The following HERC1 variants were observed in gnomAD, a reference collection of about 807,000 sequenced individuals.
HERC1 encodes HECT and RLD domain containing E3 ubiquitin protein ligase family member 1.
A neutral mutation model predicts 554.3 loss-of-function variants in HERC1; 160 were observed. That is an observed-to-expected ratio of 0.29 (90% CI 0.25 to 0.33). The LOEUF (loss-of-function observed/expected upper bound fraction) is 0.33. HERC1 is among the 10% of genes least tolerant of loss of function. The pLI, the probability that HERC1 is intolerant of heterozygous loss-of-function variation, is 1.00. For missense variants in HERC1, 4,919 were observed against 5,918.5 expected (o/e 0.83, Z 5.54); for synonymous variants, 2,175 against 2,131.7 (o/e 1.02, Z -0.56).
intron 21 of HERC1, among the ~76,000 whole-genome samples, chr15:63,716,961 T>C (rs17187281): frequency 0.25 from 37,739 of 152,112 alleles, 5,501 homozygotes; most frequent in Middle Eastern, 0.36. Flanking sequence ...AACCAAAAAT[T>C]AGAAATCTGC....
At chr15:63,617,899 A>T (rs1181409557) in intron 74 of HERC1, among the ~76,000 whole-genome samples, 2 of 151,940 alleles carry the variant, frequency 1.3e-5, no homozygotes, top group Non-Finnish European at 2.9e-5. Flanking sequence ...TAGATTCTGG[A>T]TATTAGCCCT....
At position 63,616,530 on chromosome 15, in the gene HERC1, G is replaced by A. The variant is rs767173104; in HGVS notation, c.13841C>T (p.Thr4614Ile). ...VWKQLCCVPL[T>I]LEDLEEVDLL... is the part of the protein sequence containing the mutation. ...ATCCACCTCCTCCAGGTCCTCTAGG[G>A]TGAGTGGGACACAGCACAGCTGCTT... The change falls in exon 75 of 78, where the codon ACC (threonine) becomes ATC (isoleucine). Residue 4614 changes from threonine to isoleucine, a missense_variant. Physicochemically the swap from Thr to Ile is moderately conservative, Grantham distance 89. This residue lies in a region of HERC1 where 284 missense variants were observed against 294.1 expected (regional missense o/e 0.97). Transcript: ENST00000443617. 1.9e-6 allele frequency: 3 copies of A among 1,614,008 alleles called. No homozygotes were observed. The highest frequency in any genetic ancestry group is 2.5e-6 in the Non-Finnish European group (3 of 1,179,896).
At chr15:63,695,225 C>G (rs2072334562) in intron 27 of HERC1, among the ~76,000 whole-genome samples, 2 of 137,838 alleles carry the variant, frequency 1.5e-5, no homozygotes, top group African/African-American at 5.6e-5. Flanking sequence ...TCTGTAGAGA[C>G]AGGGTTTCGC....
chr15:63,785,791 A>AAAGGGG (rs1169179320), intron 1 of HERC1, among the ~76,000 whole-genome samples: 1 of 151,568 alleles, frequency 6.6e-6, no homozygotes, highest in East Asian at 1.9e-4. Context: ...GAAGGAAGGA[A>AAAGGGG]AAGGGGAAGG....
chr15:63,789,627 A>G (rs1356682384), intron 1 of HERC1, among the ~76,000 whole-genome samples: 2 of 151,340 alleles, frequency 1.3e-5, no homozygotes, highest in East Asian at 4.0e-4. Context: ...GTGAAACCCC[A>G]TCTCGACTAA....
chr15:63,832,194 CTA>C (rs1280133440), intron 1 of HERC1, among the ~76,000 whole-genome samples: 4 of 152,134 alleles, frequency 2.6e-5, no homozygotes, highest in Non-Finnish European at 5.9e-5. Flanking sequence ...CTTCCTAATG[CTA>C]TCTTTTCTCA....
rs2072570829 is a variant in HERC1 at position 63,698,880 on chromosome 15, A to G, written c.4753T>C (p.Ser1585Pro). The G allele has an allele frequency of 6.2e-7, 1 of 1,613,990 alleles. No individual in the cohort carries two copies. The highest frequency in any genetic ancestry group is 8.5e-7 in the Non-Finnish European group (1 of 1,179,882). Residue 1585 changes from serine (S) to proline (P), a missense_variant, in exon 26 of 78, where the codon TCT becomes CCT. By Grantham distance (74) the Ser-to-Pro change is moderately conservative. Transcript: ENST00000443617. ...TCAATCAAAGTGTGAACTCCCAAAGACTTGGTAAGATCAAAATCTGACTCA... is the reference window on the plus strand; with the variant it reads ...TCAATCAAAGTGTGAACTCCCAAAGGCTTGGTAAGATCAAAATCTGACTCA... ...SFESDFDLTK[S>P]LGVHTLIENV...
In HERC1 at chr15:63,749,291, T is replaced by G. The variant is rs917901021; in HGVS notation, c.2219+76A>C. On this transcript the variant is annotated intron_variant, in intron 10 of 77. Coordinates refer to ENST00000443617, the MANE Select transcript of HERC1 (RefSeq NM_003922.4). This position sits in a 1 kb window ranked among gnomAD's most constrained non-coding sequence, Gnocchi z 4.1. The stretch of plus-strand genomic sequence containing the variant: ...TATGAACAAAGCACAATTATTTCTG[T>G]TTTTATTAGTGTTTCTACTTTTTAT... 6 of 1,124,134 alleles carry G rather than the reference T, an allele frequency of 5.3e-6. No homozygotes were observed. The highest frequency in any genetic ancestry group is 7.6e-6 in the Non-Finnish European group (6 of 787,994). 69.6% of individuals were successfully genotyped at this position (1,124,134 alleles called of 1,614,324 possible).
At chr15:63,766,207 TTCA>T (rs1213060688) in intron 2 of HERC1, among the ~76,000 whole-genome samples, 24 of 151,240 alleles carry the variant, frequency 1.6e-4, no homozygotes, top group Non-Finnish European at 2.8e-4. Flanking sequence ...AAACATTAAC[TTCA>T]TCAATATTAA....
chr15:63,631,740 C>T (rs142291149), intron 68 of HERC1, among the ~76,000 whole-genome samples: 1,866 of 152,222 alleles, frequency 0.012, 21 homozygotes, highest in East Asian at 0.023. Flanking sequence ...GGCGTTTCGC[C>T]ATGTTGGCCA....
At position 63,753,105 on chromosome 15, in the gene HERC1, A is replaced by C; in HGVS notation, c.1775-20T>G. ...GTTTACCTATAAAAACAAACACATT[A>C]AACAATTTACTTGTTTTAAAGAACC... On this transcript the variant is annotated intron_variant, in intron 7 of 77. Transcript: ENST00000443617. 6.4e-7 allele frequency: 1 copy of C among 1,551,342 alleles called. No individual in the cohort carries two copies. Among genetic ancestry groups the C allele is most frequent in the East Asian group, 2.3e-5 (1 of 43,952 alleles).
At chr15:63,711,990 T>C (rs1341944135) in intron 24 of HERC1, among the ~76,000 whole-genome samples, 7 of 152,250 alleles carry the variant, frequency 4.6e-5, no homozygotes, top group African/African-American at 1.7e-4. Context: ...TTTCGCTTTA[T>C]ATTTTACCAG....
intron 12 of HERC1, among the ~76,000 whole-genome samples, chr15:63,735,666 TC>T (rs2074473632): frequency 6.6e-6 from 1 of 152,162 alleles, no homozygotes. Context: ...GGTCATGGCT[TC>T]TTTATCAGTA....
chr15:63,609,301 A>G (rs371254677), intron 77 of HERC1, 35 bp from the exon 78 acceptor site: 27 of 1,564,668 alleles, frequency 1.7e-5, no homozygotes, highest in Non-Finnish European at 2.3e-5. Flanking sequence ...GACTGGGGAC[A>G]TCAGAGTGCC....
Position 63,665,360 on chromosome 15 carries a change from T to G in HERC1, c.8555+559A>C, listed in dbSNP as rs1014797426. Among the ~76,000 whole-genome samples the G allele has an allele frequency of 8.5e-5, 13 of 152,092 alleles. No individual in the cohort carries two copies. The East Asian group carries it at 2.3e-3, about 27-fold the overall frequency. ...CGTCCTGGCCAACATGGTGAAACCCTGTCTCTACTAAAAATACAAAAAATG... is the reference window on the plus strand; with the variant it reads ...CGTCCTGGCCAACATGGTGAAACCCGGTCTCTACTAAAAATACAAAAAATG... On this transcript the variant is annotated intron_variant, in intron 42 of 77. Transcript: ENST00000443617.
At chr15:63,711,745 C>T (rs2073305553) in intron 24 of HERC1, among the ~76,000 whole-genome samples, 1 of 152,132 alleles carries the variant, frequency 6.6e-6, no homozygotes, top group South Asian at 2.1e-4. Context: ...ATGATATGAC[C>T]AAGATCCCAC....
chr15:63,702,711 T>C (rs1413426932), intron 25 of HERC1, among the ~76,000 whole-genome samples: 1 of 152,222 alleles, frequency 6.6e-6, no homozygotes, highest in African/African-American at 2.4e-5. Context: ...CTTAGAACAA[T>C]GCTCATATAG....
At position 63,784,609 on chromosome 15, in the gene HERC1, T is replaced by G. The variant is rs535823643; in HGVS notation, c.-26-8960A>C. 1.6e-3 allele frequency among the ~76,000 whole-genome samples: 251 copies of G among 152,168 alleles called. 1 individual carries two copies. The highest frequency in any genetic ancestry group is 7.0e-3 in the Admixed American group (107 of 15,286). On this transcript the variant is annotated intron_variant, in intron 1 of 77. Transcript: ENST00000443617. Reference sequence around the variant, plus strand: ...TATGCATGTATTATCATGCAAATTTTTTTTTTTTTCCTTTTTGAGACAGAG... The same window carrying G: ...TATGCATGTATTATCATGCAAATTTGTTTTTTTTTCCTTTTTGAGACAGAG...
chr15:63,827,730 T>C (rs372699735), intron 1 of HERC1, among the ~76,000 whole-genome samples: 3 of 152,206 alleles, frequency 2.0e-5, no homozygotes, highest in African/African-American at 4.8e-5. Context: ...AGCTAAGAAG[T>C]AGAAAACCAA....
Sources: allele counts gnomAD v4.1 joint callset (sites outside exome capture counted in the v4.1 genomes callset), GRCh38; gene constraint gnomAD v4.1.1; regional missense constraint gnomAD v4.1.1; non-coding constraint Gnocchi (gnomAD v3.1); transcripts MANE v1.5; gene names NCBI Gene and HGNC (gene_info 2026-07-23, HGNC 2026-07-21).